Variants in CNIH3 observed in about 807,000 individuals in gnomAD.
CNIH3 encodes the protein cornichon family AMPA receptor auxiliary protein 3, also known as protein cornichon homolog 3.
A neutral mutation model predicts 24.1 loss-of-function variants in CNIH3; 14 were observed. The observed-to-expected ratio is 0.58, with a 90% CI of 0.38 to 0.91. CNIH3 has a LOEUF of 0.91. CNIH3 is among the 40% of genes least tolerant of loss of function. The pLI is 0.00. For missense variants in CNIH3, 178 were observed against 196.8 expected, an observed-to-expected ratio of 0.90 and a Z score of 0.57; for synonymous variants, 68 against 73.8, an observed-to-expected ratio of 0.92 and a Z score of 0.40.
chr1:224,459,289 T>C, intron 1 of CNIH3: 5 of 855,318 alleles, frequency 5.8e-6, no homozygotes, highest in Non-Finnish European at 7.0e-6. Context: ...TTCACAGAGC[T>C]GCCAAAACAG....
chr1:224,660,725 G>A (rs905276706), intron 1 of CNIH3, among the ~76,000 whole-genome samples: 7 of 152,026 alleles, frequency 4.6e-5, no homozygotes, highest in Admixed American at 3.3e-4. Context: ...TACCATTAAC[G>A]CATTAATATC....
At chr1:224,574,068 A>G (rs1481350834) in intron 4 of CNIH3, among the ~76,000 whole-genome samples, 3 of 152,106 alleles carry the variant, frequency 2.0e-5, no homozygotes, top group Admixed American at 2.0e-4. Context: ...ATATGTTCTA[A>G]TTAGAAAATA....
chr1:224,517,175 G>A (rs1255525274), intron 1 of CNIH3, among the ~76,000 whole-genome samples: 1 of 152,180 alleles, frequency 6.6e-6, no homozygotes, highest in Non-Finnish European at 1.5e-5. Flanking sequence ...ACCTGATGGA[G>A]GTTGGCGGCG....
Position 224,629,507 on chromosome 1 carries a change from C to T in CNIH3, c.81+12252C>T, listed in dbSNP as rs115096558. Among the ~76,000 whole-genome samples the T allele has an allele frequency of 5.4e-3, 820 of 152,134 alleles. 8 individuals carry two copies. Among genetic ancestry groups the T allele is most frequent in the African/African-American group, 0.019 (782 of 41,518 alleles). On this transcript the variant is annotated intron_variant, in intron 1 of 5. Coordinates refer to ENST00000272133, the MANE Select transcript of CNIH3 (RefSeq NM_152495.2). Reference sequence around the variant, plus strand: ...GTTTGACTCTTTCTGTCGACAGTTCCGTTGTATGGATAGACTGCATTTTGT... The same window carrying T: ...GTTTGACTCTTTCTGTCGACAGTTCTGTTGTATGGATAGACTGCATTTTGT...
intron 1 of CNIH3, among the ~76,000 whole-genome samples, chr1:224,447,888 A>G (rs1675230947): frequency 6.6e-6 from 1 of 152,224 alleles, no homozygotes; most frequent in African/African-American, 2.4e-5. Flanking sequence ...TGAAAATAAT[A>G]ACATTATTAT....
intron 1 of CNIH3, among the ~76,000 whole-genome samples, chr1:224,459,886 T>TC (rs1675836511): frequency 6.7e-6 from 1 of 150,096 alleles, no homozygotes; most frequent in South Asian, 2.1e-4. Flanking sequence ...CCCCTATTTT[T>TC]TTTTTTTTTT....
At chr1:224,683,718 G>A (rs1686512016) in intron 2 of CNIH3, among the ~76,000 whole-genome samples, 1 of 152,302 alleles carries the variant, frequency 6.6e-6, no homozygotes, top group East Asian at 1.9e-4. Context: ...TACCAGCTGG[G>A]CATTCAGTAT....
intron 5 of CNIH3, among the ~76,000 whole-genome samples, chr1:224,737,291 A>G (rs1689645806): frequency 6.6e-6 from 1 of 151,970 alleles, no homozygotes; most frequent in South Asian, 2.1e-4. Flanking sequence ...TCTGTAACCG[A>G]GTGTGTTCCA....
chr1:224,590,631 T>A (rs1681712900), downstream of CNIH3, among the ~76,000 whole-genome samples: 1 of 152,154 alleles, frequency 6.6e-6, no homozygotes, highest in South Asian at 2.1e-4. Context: ...AAGCCCTTTT[T>A]ATAATTGGCA....
intron 2 of CNIH3, among the ~76,000 whole-genome samples, chr1:224,544,058 CT>C (rs1454358971): frequency 6.6e-6 from 1 of 152,076 alleles, no homozygotes; most frequent in Non-Finnish European, 1.5e-5. Flanking sequence ...GGCTCTTTGG[CT>C]GTTAAGAGAT....
At chr1:224,728,151 G>C (rs1311956944) in intron 3 of CNIH3, among the ~76,000 whole-genome samples, 1 of 152,218 alleles carries the variant, frequency 6.6e-6, no homozygotes, top group African/African-American at 2.4e-5. Context: ...GCCCACGGTG[G>C]CTGTCTCTAA....
At chr1:224,636,748 C>G (rs1684102858) in intron 1 of CNIH3, among the ~76,000 whole-genome samples, 1 of 151,998 alleles carries the variant, frequency 6.6e-6, no homozygotes, top group African/African-American at 2.4e-5. Flanking sequence ...TCTGGATGGG[C>G]TGAAGGAGAA....
Position 224,599,662 on chromosome 1 carries a change from A to G in CNIH3, n.402+33398A>G, listed in dbSNP as rs1014882004. On this transcript the variant is annotated intron_variant and non_coding_transcript_variant, in intron 3 of 7. Transcript: ENST00000478120. ...TTATAATTGCTTTGTTTCAAGTGGCATATTACATTTCTTTGCTTCTATAGT... is the reference window on the plus strand; with the variant it reads ...TTATAATTGCTTTGTTTCAAGTGGCGTATTACATTTCTTTGCTTCTATAGT... Among the ~76,000 whole-genome samples, 9 of 152,172 alleles carry G rather than the reference A, an allele frequency of 5.9e-5. No individual in the cohort carries two copies. The South Asian group carries it at 1.2e-3, about 21-fold the overall frequency.
chr1:224,608,428 A>G (rs1273186696), intron 3 of CNIH3, among the ~76,000 whole-genome samples: 1 of 152,162 alleles, frequency 6.6e-6, no homozygotes, highest in Non-Finnish European at 1.5e-5. Context: ...TGTCCCTTTT[A>G]AGGGCTTACA....
At chr1:224,710,122 G>T (rs1355109324) in intron 3 of CNIH3, among the ~76,000 whole-genome samples, 1 of 152,156 alleles carries the variant, frequency 6.6e-6, no homozygotes. Flanking sequence ...TTGATCACAG[G>T]TAATTTAAAT....
At chr1:224,683,977 A>G (rs116360125) in intron 2 of CNIH3, among the ~76,000 whole-genome samples, 85 of 152,296 alleles carry the variant, frequency 5.6e-4, no homozygotes, top group Non-Finnish European at 1.1e-3. Context: ...TAATTAGGCA[A>G]ATGAAGTGTC....
chr1:224,666,486 A>G (rs1215850789), intron 1 of CNIH3, among the ~76,000 whole-genome samples: 1 of 152,202 alleles, frequency 6.6e-6, no homozygotes, highest in Non-Finnish European at 1.5e-5. Flanking sequence ...AAGAATCTTA[A>G]TAAAGTACAT....
At chr1:224,489,056 T>C (rs1385413299) in intron 1 of CNIH3, among the ~76,000 whole-genome samples, 1 of 152,238 alleles carries the variant, frequency 6.6e-6, no homozygotes, top group Non-Finnish European at 1.5e-5. Flanking sequence ...GAATATTGAA[T>C]AATTTTGAAC....
rs1034791212 is a variant in CNIH3 at position 224,434,951 on chromosome 1, G to A, written n.203+89G>A. On this transcript the variant is annotated intron_variant and non_coding_transcript_variant, in intron 1 of 5. Transcript: ENST00000471578. ...GGAGGGAGGCCAGCGGGCCGGCGGG[G>A]TCCGCCCCGACCCCATCCACGACCC... The A allele has an allele frequency of 1.3e-5, 13 of 985,604 alleles. No homozygotes were observed. The African/African-American group carries it at 2.3e-4, about 17-fold the overall frequency. The allele number at this position is 985,604 out of a possible 1,614,324, so 61.1% of individuals were successfully genotyped here.
Sources: gnomAD v4.1 joint callset for allele counts (sites outside exome capture counted in the v4.1 genomes callset) on GRCh38, gnomAD v4.1.1 for gene constraint, MANE v1.5 for transcripts, NCBI Gene and HGNC (gene_info 2026-07-23, HGNC 2026-07-21) for gene names.